Variants in KLHL3 observed in about 807,000 individuals in gnomAD.
KLHL3 encodes the protein kelch-like protein 3.
Under a neutral mutation model 70.5 loss-of-function variants are expected in KLHL3, and 19 were observed. The observed-to-expected ratio is 0.27, with a 90% CI of 0.19 to 0.40. KLHL3 has a LOEUF of 0.40. KLHL3 is among the 10% of genes least tolerant of loss of function. The probability of loss-of-function intolerance (pLI) is 1.00; values close to 1 mark genes in which losing one functional copy is unlikely to be tolerated. For missense variants in KLHL3, 512 were observed against 771.1 expected, an observed-to-expected ratio of 0.66 and a Z score of 3.98; for synonymous variants, 258 against 290.3, an observed-to-expected ratio of 0.89 and a Z score of 1.13.
chr5:137,724,120 G>C (rs1218792147), intron 1 of KLHL3, among the ~76,000 whole-genome samples: 1 of 152,140 alleles, frequency 6.6e-6, no homozygotes, highest in East Asian at 1.9e-4. Flanking sequence ...GCATCCTTCG[G>C]ATAAATCTAT....
At chr5:137,636,263 T>C (rs1750764243) in intron 11 of KLHL3, among the ~76,000 whole-genome samples, 1 of 152,246 alleles carries the variant, frequency 6.6e-6, no homozygotes, top group African/African-American at 2.4e-5. Context: ...AATCTTTCTA[T>C]TAATGTCTAA....
chr5:137,684,172 G>A (rs1037730663), intron 5 of KLHL3, among the ~76,000 whole-genome samples: 2 of 152,030 alleles, frequency 1.3e-5, no homozygotes, highest in Non-Finnish European at 2.9e-5. Flanking sequence ...AACTTCTCTG[G>A]GGTTACAGTT....
rs765706672 is a variant in KLHL3 at position 137,625,733 on chromosome 5, T to A, written c.1735+20A>T. On this transcript the variant is annotated intron_variant, in intron 14 of 14. Transcript: ENST00000309755. ...GTGTTGGAGGCCTCTCGGATGGGCA[T>A]GGAGATGGCACACACTGACCTGCAT... 2.5e-6 allele frequency: 4 copies of A among 1,613,424 alleles called. No individual in the cohort carries two copies. Among genetic ancestry groups the A allele is most frequent in the Admixed American group, 1.7e-5 (1 of 60,000 alleles).
At chr5:137,669,441 C>A (rs950608221) in intron 6 of KLHL3, among the ~76,000 whole-genome samples, 2 of 149,934 alleles carry the variant, frequency 1.3e-5, no homozygotes, top group African/African-American at 4.9e-5. Context: ...CTTCCTACAG[C>A]AGCACACTGC....
chr5:137,689,205 A>G (rs534413764), intron 5 of KLHL3, among the ~76,000 whole-genome samples: 46 of 152,362 alleles, frequency 3.0e-4, no homozygotes, highest in African/African-American at 1.1e-3. Context: ...GGTTGCAGAG[A>G]AAAGGGAATG....
Position 137,735,660 on chromosome 5 carries a change from G to A in KLHL3, c.-14C>T. On this transcript the variant is annotated 5_prime_UTR_variant, in exon 1 of 15. Transcript: ENST00000309755. ...TTCACCCTCCATTGTGTGAGGCCCA[G>A]CCAGGGTGGTAGCTGCTGAACTGTG... is the stretch of plus-strand genomic sequence containing the variant. 1 of 1,613,918 alleles carries A rather than the reference G, an allele frequency of 6.2e-7. No homozygotes were observed. The highest frequency in any genetic ancestry group is 8.5e-7 in the Non-Finnish European group (1 of 1,179,776).
At chr5:137,711,903 C>A (rs779383437) in intron 2 of KLHL3, among the ~76,000 whole-genome samples, 1 of 151,884 alleles carries the variant, frequency 6.6e-6, no homozygotes, top group Non-Finnish European at 1.5e-5. Flanking sequence ...TTAAGAATAA[C>A]CACACTTTGG....
chr5:137,720,234 A>G (rs1752971331), intron 2 of KLHL3, among the ~76,000 whole-genome samples: 1 of 151,624 alleles, frequency 6.6e-6, no homozygotes, highest in African/African-American at 2.4e-5. Context: ...CGGGAGGTGG[A>G]GGTTGCAGTG....
intron 3 of KLHL3, among the ~76,000 whole-genome samples, chr5:137,701,513 G>T (rs1198479976): frequency 6.6e-6 from 1 of 152,126 alleles, no homozygotes; most frequent in African/African-American, 2.4e-5. Context: ...CAAGGCATTG[G>T]TCCAAATTCT....
intron 3 of KLHL3, among the ~76,000 whole-genome samples, chr5:137,700,727 T>G (rs1470778170): frequency 6.6e-6 from 1 of 152,076 alleles, no homozygotes; most frequent in Admixed American, 6.5e-5. Flanking sequence ...TACTTAAAAC[T>G]TAAACAAGCA....
rs1018886989 is a variant in KLHL3 at position 137,628,614 on chromosome 5, C to T, written c.1451-177G>A. Reference sequence around the variant, plus strand: ...AACAAATATAATGACACCCTACCTGCCTCCTCATAAGACTAGCAACCTCAA... The same window carrying T: ...AACAAATATAATGACACCCTACCTGTCTCCTCATAAGACTAGCAACCTCAA... On this transcript the variant is annotated intron_variant, in intron 12 of 14. Transcript: ENST00000309755. The T allele has an allele frequency of 5.4e-6, 3 of 554,738 alleles. No homozygotes were observed. In the African/African-American group the frequency reaches 5.6e-5, roughly 10 times the overall value. 34.4% of individuals were successfully genotyped at this position (554,738 alleles called of 1,614,324 possible). A position where few individuals can be genotyped will look rare whatever the true frequency, so the allele number is the denominator to read the frequency against.
chr5:137,626,965 C>T (rs978915111), intron 13 of KLHL3, among the ~76,000 whole-genome samples: 1 of 150,686 alleles, frequency 6.6e-6, no homozygotes, highest in African/African-American at 2.4e-5. Context: ...TATGCCACTA[C>T]AATCTAGCCT....
At chr5:137,629,541 G>C (rs1452035380) in intron 12 of KLHL3, 8 of 152,272 alleles carry the variant, frequency 5.3e-5, no homozygotes, top group African/African-American at 1.9e-4. Context: ...TCAGACCCAA[G>C]AACCAGACTT....
intron 8 of KLHL3, among the ~76,000 whole-genome samples, chr5:137,644,965 G>A (rs1011685915): frequency 1.3e-5 from 2 of 152,076 alleles, no homozygotes; most frequent in Admixed American, 6.5e-5. Context: ...ATCATTTACC[G>A]TGATCAAATA....
chr5:137,635,118 C>G (rs748632687), intron 11 of KLHL3, among the ~76,000 whole-genome samples: 8 of 152,130 alleles, frequency 5.3e-5, no homozygotes, highest in Non-Finnish European at 5.9e-5. Flanking sequence ...ACCAAGAATA[C>G]TACTAGTATT....
intron 2 of KLHL3, among the ~76,000 whole-genome samples, chr5:137,717,967 T>C (rs1324862749): frequency 6.6e-6 from 1 of 152,256 alleles, no homozygotes; most frequent in African/African-American, 2.4e-5. Context: ...ACACTTGGTC[T>C]ATATGCAACA....
At chr5:137,652,643 T>C (rs900485566) in intron 8 of KLHL3, among the ~76,000 whole-genome samples, 43 of 152,062 alleles carry the variant, frequency 2.8e-4, no homozygotes, top group African/African-American at 9.9e-4. Flanking sequence ...AATAGAATGG[T>C]GGTTACCAAG....
intron 5 of KLHL3, among the ~76,000 whole-genome samples, chr5:137,680,277 G>A (rs1400247548): frequency 6.6e-6 from 1 of 152,130 alleles, no homozygotes; most frequent in Non-Finnish European, 1.5e-5. Context: ...GTAGTAAAGA[G>A]CCTTGGCTAA....
At chr5:137,657,684 C>T (rs901262083) in intron 8 of KLHL3, among the ~76,000 whole-genome samples, 2 of 152,168 alleles carry the variant, frequency 1.3e-5, no homozygotes, top group Non-Finnish European at 2.9e-5. Context: ...TTCTCTGGGG[C>T]AGCCCTAATT....
Sources: gnomAD v4.1 joint callset for allele counts (sites outside exome capture counted in the v4.1 genomes callset) on GRCh38, gnomAD v4.1.1 for gene constraint, MANE v1.5 for transcripts, NCBI Gene and HGNC (gene_info 2026-07-23, HGNC 2026-07-21) for gene names.